MATCAP2: variants seen among roughly 807,000 people sequenced by gnomAD.
The protein encoded by MATCAP2 is microtubule associated tyrosine carboxypeptidase 2.
the MATCAP2 span, among the ~76,000 whole-genome samples, chr7:36,372,209 C>G: frequency 2.6e-5 from 4 of 152,068 alleles, no homozygotes; most frequent in Non-Finnish European, 5.9e-5. Flanking sequence ...GCTTCTGCAG[C>G]CTACCATTAT....
At chr7:36,388,105 T>G in the MATCAP2 span, among the ~76,000 whole-genome samples, 1 of 152,182 alleles carries the variant, frequency 6.6e-6, no homozygotes, top group Non-Finnish European at 1.5e-5. Flanking sequence ...TCTGAGGAAA[T>G]CAGGGCAGAT....
At chr7:36,365,227 C>A in the MATCAP2 span, among the ~76,000 whole-genome samples, 2 of 152,278 alleles carry the variant, frequency 1.3e-5, no homozygotes, top group South Asian at 4.1e-4. Context: ...TATGTGATTT[C>A]TCAATGAAAT....
At chr7:36,380,581 A>G in the MATCAP2 span, among the ~76,000 whole-genome samples, 1 of 152,352 alleles carries the variant, frequency 6.6e-6, no homozygotes, top group East Asian at 1.9e-4. Flanking sequence ...GGAAGGAGCA[A>G]GTGAGGCTTA....
chr7:36,328,254 T>C, the MATCAP2 span, among the ~76,000 whole-genome samples: 1 of 111,352 alleles, frequency 9.0e-6, no homozygotes, highest in Non-Finnish European at 1.9e-5. Flanking sequence ...GGGGGGGGTC[T>C]TGCTATGTTG....
the MATCAP2 span, chr7:36,324,753 C>A: frequency 6.6e-6 from 1 of 152,180 alleles, no homozygotes. Flanking sequence ...GATTTAAGGT[C>A]ATTTTGTCTG....
chr7:36,387,471 A>G, the MATCAP2 span, among the ~76,000 whole-genome samples: 1 of 152,198 alleles, frequency 6.6e-6, no homozygotes, highest in East Asian at 1.9e-4. Flanking sequence ...TAAAAAGATA[A>G]AAGTCATTCT....
the MATCAP2 span, among the ~76,000 whole-genome samples, chr7:36,347,544 T>C: frequency 6.6e-6 from 1 of 152,196 alleles, no homozygotes; most frequent in Non-Finnish European, 1.5e-5. Flanking sequence ...GTTGTACCTT[T>C]CTCAGGTTTA....
the MATCAP2 span, among the ~76,000 whole-genome samples, chr7:36,345,992 A>G: frequency 4.6e-5 from 7 of 152,336 alleles, no homozygotes; most frequent in East Asian, 1.3e-3. Context: ...AAATAACTCA[A>G]CTGAAAAATT....
At chr7:36,375,879 G>T in the MATCAP2 span, among the ~76,000 whole-genome samples, 1 of 152,218 alleles carries the variant, frequency 6.6e-6, no homozygotes, top group Non-Finnish European at 1.5e-5. Context: ...CTTGCGTAGA[G>T]ATGTTTACAG....
At chr7:36,331,759 C>A in the MATCAP2 span, among the ~76,000 whole-genome samples, 3 of 152,152 alleles carry the variant, frequency 2.0e-5, no homozygotes, top group Non-Finnish European at 4.4e-5. Flanking sequence ...ACACAGTGAA[C>A]CTTTTTCCCA....
At chr7:36,385,638 T>G in the MATCAP2 span, among the ~76,000 whole-genome samples, 1 of 151,594 alleles carries the variant, frequency 6.6e-6, no homozygotes, top group Admixed American at 6.6e-5. Context: ...TTTTAAAAAG[T>G]AGCGGGTTGT....
the MATCAP2 span, chr7:36,366,786 A>G: frequency 6.5e-7 from 1 of 1,534,272 alleles, no homozygotes; most frequent in East Asian, 2.5e-5. Context: ...GCGCGCCCCG[A>G]AGGGGTCGGG....
chr7:36,356,854 T>A, the MATCAP2 span: 1 of 1,403,236 alleles, frequency 7.1e-7, no homozygotes, highest in Non-Finnish European at 1.0e-6. Context: ...CACAGATAAT[T>A]GTTTTAGTAC....
At chr7:36,381,625 G>A in the MATCAP2 span, among the ~76,000 whole-genome samples, 2 of 150,468 alleles carry the variant, frequency 1.3e-5, no homozygotes, top group Non-Finnish European at 3.0e-5. Flanking sequence ...GAGCTAAGAT[G>A]GTAACACTGC....
chr7:36,361,269 A>G, the MATCAP2 span, among the ~76,000 whole-genome samples: 1 of 152,152 alleles, frequency 6.6e-6, no homozygotes, highest in East Asian at 1.9e-4. Flanking sequence ...TCCCCATCTA[A>G]AAGAATGGGG....
chr7:36,385,861 G>GAT, the MATCAP2 span, among the ~76,000 whole-genome samples: 12 of 134,064 alleles, frequency 9.0e-5, no homozygotes, highest in African/African-American at 1.9e-4. Context: ...ATAAGATAAA[G>GAT]AAAGAACTGT....
the MATCAP2 span, among the ~76,000 whole-genome samples, chr7:36,332,530 C>T: frequency 6.6e-6 from 1 of 152,190 alleles, no homozygotes; most frequent in African/African-American, 2.4e-5. Context: ...ACTACGCTGT[C>T]ATACGATTAC....
At chr7:36,383,980 A>C in the MATCAP2 span, 14 of 837,272 alleles carry the variant, frequency 1.7e-5, no homozygotes, top group Non-Finnish European at 1.9e-5. Context: ...AATTAAGTAT[A>C]AATAGTCTAA....
chr7:36,324,269 G>A, the MATCAP2 span: 1 of 152,132 alleles, frequency 6.6e-6, no homozygotes. Flanking sequence ...GACACAAGAT[G>A]CCCAAAGATA....
Sources: allele counts gnomAD v4.1 joint callset (sites outside exome capture counted in the v4.1 genomes callset), GRCh38; gene constraint gnomAD v4.1.1; transcripts MANE v1.5; gene names NCBI Gene and HGNC (gene_info 2026-07-23, HGNC 2026-07-21).